RACK1: variants seen among roughly 807,000 people sequenced by gnomAD.
RACK1 encodes the protein small ribosomal subunit protein RACK1.
Under a neutral mutation model 42.2 loss-of-function variants are expected in RACK1, and 3 were observed. That is an observed-to-expected ratio of 0.07 (90% confidence interval 0.03 to 0.18). The LOEUF (loss-of-function observed/expected upper bound fraction) is 0.18, where lower values mean the gene tolerates loss of function less well. RACK1 is among the 10% of genes least tolerant of loss of function. The probability of loss-of-function intolerance (pLI) is 1.00; values close to 1 mark genes in which losing one functional copy is unlikely to be tolerated. For missense variants in RACK1, 146 were observed against 403.2 expected (o/e 0.36, Z 5.46); for synonymous variants, 181 against 154.8 (o/e 1.17, Z -1.25).
chr5:181,241,867 C>T lies in RACK1; in HGVS notation c.282-228G>A, dbSNP rs1404979559. ...TCACTCCCACTTGGGGATTGGCTGA[C>T]AATGCCATCTGTCATCACCAGGACC... is the stretch of plus-strand genomic sequence containing the variant. On this transcript the variant is annotated intron_variant, in intron 2 of 7. Transcript: ENST00000512805. 7.8e-6 allele frequency: 6 copies of T among 769,886 alleles called. No individual in the cohort carries two copies. In the African/African-American group the frequency reaches 1.0e-4, roughly 13 times the overall value. The allele number at this position is 769,886 out of a possible 1,614,324, so 47.7% of individuals were successfully genotyped here.
chr5:181,237,532 A>C (rs1391310923), intron 7 of RACK1, 77 bp downstream of exon 7: 1 of 831,188 alleles, frequency 1.2e-6, no homozygotes, highest in Non-Finnish European at 2.1e-6. Context: ...TGTGTCTGAC[A>C]GACTAGATAT....
At chr5:181,237,907 G>A in intron 6 of RACK1, 188 bp from the exon 7 acceptor site, 1 of 670,624 alleles carries the variant, frequency 1.5e-6, no homozygotes, top group Non-Finnish European at 2.6e-6. Context: ...GTAGAAGCTG[G>A]AAATGCTGCT....
chr5:181,240,806 G>T (rs1164222968), intron 3 of RACK1, among the ~76,000 whole-genome samples: 2 of 152,178 alleles, frequency 1.3e-5, no homozygotes, highest in Non-Finnish European at 2.9e-5. Context: ...AGGATTACAG[G>T]CGTGAGCCCA....
intron 1 of RACK1, chr5:181,243,219 G>C (rs1274480159): frequency 7.8e-7 from 1 of 1,274,914 alleles, no homozygotes; most frequent in Non-Finnish European, 1.0e-6. Flanking sequence ...GGATAGGGAC[G>C]GGGAGAACCA....
chr5:181,236,904 CATAT>C lies in RACK1; in HGVS notation c.*69_*72del. ...ATGTAGATAGAATGGAGCTTTTTTG[CATAT>C]AAGAAAAAAAAACCTAAAAGTCAGA... On this transcript the variant is annotated 3_prime_UTR_variant, in exon 8 of 8. Transcript: ENST00000512805. 6.6e-7 allele frequency: 1 copy of C among 1,518,294 alleles called. No individual in the cohort carries two copies. Among genetic ancestry groups the C allele is most frequent in the Non-Finnish European group, 8.8e-7 (1 of 1,138,406 alleles). The allele number at this position is 1,518,294 out of a possible 1,614,324, so 94.1% of individuals were successfully genotyped here. A position where few individuals can be genotyped will look rare whatever the true frequency, so the allele number is the denominator to read the frequency against.
intron 3 of RACK1, among the ~76,000 whole-genome samples, chr5:181,239,997 A>AT (rs1759279315): frequency 6.6e-6 from 1 of 152,178 alleles, no homozygotes. Flanking sequence ...ATGAGCCAAG[A>AT]TTGTGCCATT....
chr5:181,239,250 G>T, intron 4 of RACK1, 73 bp from the exon 5 acceptor site: 1 of 1,005,878 alleles, frequency 9.9e-7, no homozygotes, highest in Non-Finnish European at 1.6e-6. Context: ...ACAAAAAAGG[G>T]CTTGGCACTT....
intron 7 of RACK1, 42 bp downstream of exon 7, chr5:181,237,567 T>C: frequency 9.9e-7 from 1 of 1,010,924 alleles, no homozygotes; most frequent in Non-Finnish European, 1.6e-6. Flanking sequence ...AGGGAGAAAA[T>C]TAACTGGAAG....
Position 181,239,163 on chromosome 5 carries a change from A to T in RACK1, c.540T>A (p.Ala180=), listed in dbSNP as rs376487405. Residue 180 remains alanine, a synonymous_variant, in exon 5 of 8, where the codon GCT becomes GCA. Coordinates refer to ENST00000512805, the MANE Select transcript of RACK1 (RefSeq NM_006098.5). Reference sequence around the variant, plus strand: ...TGTGGTTGGTCTTCAGCTTGCAGTTAGCCAGGTTCCATACCTGCATAGACG... The same window carrying T: ...TGTGGTTGGTCTTCAGCTTGCAGTTTGCCAGGTTCCATACCTGCATAGACG... The part of the protein sequence containing the change: ...WDKLVKVWNL[A]NCKLKTNHIG... The T allele has an allele frequency of 3.1e-6, 5 of 1,612,662 alleles. No homozygotes were observed. In the African/African-American group the frequency reaches 6.7e-5, roughly 22 times the overall value.
At chr5:181,243,620 G>A (rs1759441888) in intron 1 of RACK1, 72 bp downstream of exon 1, 4 of 1,517,868 alleles carry the variant, frequency 2.6e-6, no homozygotes, top group Non-Finnish European at 1.8e-6. Context: ...ACCACACGCG[G>A]AATTCCCTAC....
chr5:181,238,268 C>G, intron 5 of RACK1, 29 bp from the exon 6 acceptor site: 3 of 1,609,992 alleles, frequency 1.9e-6, no homozygotes, highest in Non-Finnish European at 2.6e-6. Flanking sequence ...AATCAGGACA[C>G]TGTGACCTCT....
intron 5 of RACK1, chr5:181,238,556 GCACTT>G: frequency 2.9e-6 from 1 of 349,100 alleles, no homozygotes; most frequent in South Asian, 2.4e-5. Flanking sequence ...TGTAATCCCA[GCACTT>G]TGGGAAGCCG....
rs57063983 is a variant in RACK1, at chr5:181,241,426, C to CAAAAAAAAAAAAAAAAAAAA, written c.429+65_429+66insTTTTTTTTTTTTTTTTTTTT. 1.2e-4 allele frequency: 130 copies of CAAAAAAAAAAAAAAAAAAAA among 1,074,456 alleles called. 1 individual carries two copies. Among genetic ancestry groups the CAAAAAAAAAAAAAAAAAAAA allele is most frequent in the Middle Eastern group, 5.4e-4 (2 of 3,724 alleles). The allele number at this position is 1,074,456 out of a possible 1,614,324, so 66.6% of individuals were successfully genotyped here. A position where few individuals can be genotyped will look rare whatever the true frequency, so the allele number is the denominator to read the frequency against. ...GCTTGGGCAAGAGTGAGACTGTCGC[C>CAAAAAAAAAAAAAAAAAAAA]AAAAAAAAAAAAAAAAAGCAAAGTT... On this transcript the variant is annotated intron_variant, in intron 3 of 7. Coordinates refer to ENST00000512805, the MANE Select transcript of RACK1 (RefSeq NM_006098.5).
chr5:181,242,101 C>T, intron 2 of RACK1, 73 bp downstream of exon 2: 1 of 1,356,412 alleles, frequency 7.4e-7, no homozygotes, highest in Non-Finnish European at 1.0e-6. Context: ...CCTGGGAAAC[C>T]AGCCAATTGC....
chr5:181,241,690 A>G (rs1304857160), intron 2 of RACK1, 51 bp from the exon 3 acceptor site: 1 of 1,586,022 alleles, frequency 6.3e-7, no homozygotes, highest in African/African-American at 1.3e-5. Flanking sequence ...CTCTCATTCA[A>G]CGGTCAGACT....
chr5:181,242,637 A>G (rs1291867816), intron 1 of RACK1: 1 of 458,646 alleles, frequency 2.2e-6, no homozygotes, highest in South Asian at 1.7e-5. Flanking sequence ...GGCTCACTCC[A>G]AACTCCACCT....
chr5:181,237,805 A>C (rs1437636307), intron 6 of RACK1, 86 bp from the exon 7 acceptor site: 7 of 846,780 alleles, frequency 8.3e-6, no homozygotes, highest in Non-Finnish European at 1.4e-5. Context: ...CAAGTTAAAA[A>C]GGGATGATTT....
At chr5:181,241,794 A>C (rs1291231956) in intron 2 of RACK1, 155 bp from the exon 3 acceptor site, 3 of 846,200 alleles carry the variant, frequency 3.5e-6, no homozygotes, top group African/African-American at 1.7e-5. Flanking sequence ...TATATGAAAG[A>C]GAAGAGCCAA....
At chr5:181,243,398 C>A in intron 1 of RACK1, 1 of 1,439,340 alleles carries the variant, frequency 6.9e-7, no homozygotes, top group Non-Finnish European at 9.3e-7. Flanking sequence ...CGTAGGCCCC[C>A]GGCCACACTA....
Sources: allele counts gnomAD v4.1 joint callset (sites outside exome capture counted in the v4.1 genomes callset), GRCh38; gene constraint gnomAD v4.1.1; transcripts MANE v1.5; gene names NCBI Gene and HGNC (gene_info 2026-07-23, HGNC 2026-07-21).